Variants in TMC1 observed in about 807,000 individuals in gnomAD.
The protein encoded by TMC1 is transmembrane channel-like protein 1.
In TMC1, 84 loss-of-function variants were observed where a neutral mutation model predicts 105.8. The observed-to-expected ratio is 0.79, with a 90% CI of 0.67 to 0.95. TMC1 has a LOEUF of 0.95. Among genes scored for constraint, TMC1 ranks in the 40% least tolerant of loss-of-function variants. The probability of loss-of-function intolerance (pLI) is 0.00; values close to 1 mark genes in which losing one functional copy is unlikely to be tolerated. For missense variants in TMC1, 817 were observed against 914.1 expected (o/e 0.89, Z 1.37); for synonymous variants, 315 against 311.5 (o/e 1.01, Z -0.12).
At chr9:72,585,317 A>AG (rs1824538693) in intron 2 of TMC1, among the ~76,000 whole-genome samples, 1 of 151,068 alleles carries the variant, frequency 6.6e-6, no homozygotes, top group African/African-American at 2.4e-5. Flanking sequence ...CGCCCTGCTA[A>AG]TTTTTTGTAC....
In TMC1 at chr9:72,568,528, A is replaced by G. The variant is rs139084870; in HGVS notation, c.-427-9374A>G. ...AGGCACCAGGCTAGGCACCGCAGCT[A>G]CAAAGGTGAAGAGAACATAGGCTCT... is the stretch of plus-strand genomic sequence containing the variant. On this transcript the variant is annotated intron_variant, in intron 1 of 23. Coordinates refer to ENST00000297784, the MANE Select transcript of TMC1 (RefSeq NM_138691.3). Among the ~76,000 whole-genome samples, 566 of 152,352 alleles carry G rather than the reference A, an allele frequency of 3.7e-3. 3 individuals carry two copies. The highest frequency in any genetic ancestry group is 0.013 in the African/African-American group (534 of 41,588).
chr9:72,739,988 CT>C, intron 8 of TMC1, 130 bp from the exon 9 acceptor site: 1 of 690,644 alleles, frequency 1.4e-6, no homozygotes, highest in Non-Finnish European at 2.5e-6. Flanking sequence ...GAAATACAGT[CT>C]AGGTTCACCT....
intron 5 of TMC1, among the ~76,000 whole-genome samples, chr9:72,650,872 T>TATATATATA (rs1825793638): frequency 8.3e-6 from 1 of 119,876 alleles, no homozygotes; most frequent in African/African-American, 3.4e-5. Flanking sequence ...ATGGTGTATT[T>TATATATATA]TATATATATA....
chr9:72,598,503 G>A (rs529194062), intron 2 of TMC1, among the ~76,000 whole-genome samples: 25 of 151,158 alleles, frequency 1.7e-4, no homozygotes, highest in Non-Finnish European at 3.5e-4. Context: ...CTTCATAATC[G>A]TATCACTTAT....
chr9:72,675,279 G>T (rs1034135192), intron 5 of TMC1, among the ~76,000 whole-genome samples: 1 of 152,052 alleles, frequency 6.6e-6, no homozygotes, highest in African/African-American at 2.4e-5. Context: ...ACATCGGGGA[G>T]GCTAAGTAGC....
intron 1 of TMC1, among the ~76,000 whole-genome samples, chr9:72,549,204 C>A (rs1200260159): frequency 6.6e-6 from 1 of 152,162 alleles, no homozygotes; most frequent in Non-Finnish European, 1.5e-5. Flanking sequence ...CAAAGGTAAT[C>A]ATCAGACATT....
At chr9:72,764,593 A>G (rs1210114415) in intron 12 of TMC1, among the ~76,000 whole-genome samples, 3 of 152,178 alleles carry the variant, frequency 2.0e-5, no homozygotes, top group African/African-American at 7.2e-5. Context: ...AAATCCCAAC[A>G]TAAGATTATT....
chr9:72,737,784 A>G (rs908921816), intron 8 of TMC1, among the ~76,000 whole-genome samples: 28 of 152,242 alleles, frequency 1.8e-4, no homozygotes, highest in Non-Finnish European at 3.8e-4. Context: ...AAACCCAGCC[A>G]TGAGAACTTA....
chr9:72,823,563 G>A (rs1167576720), intron 20 of TMC1, among the ~76,000 whole-genome samples: 1 of 152,178 alleles, frequency 6.6e-6, no homozygotes, highest in Non-Finnish European at 1.5e-5. Flanking sequence ...ATTCTAGCTT[G>A]TCTGGTTTTA....
At chr9:72,639,807 C>G (rs1040084336) in intron 4 of TMC1, among the ~76,000 whole-genome samples, 1 of 152,176 alleles carries the variant, frequency 6.6e-6, no homozygotes, top group Non-Finnish European at 1.5e-5. Flanking sequence ...AAGTTGCCTT[C>G]AAATGTAATT....
intron 1 of TMC1, among the ~76,000 whole-genome samples, chr9:72,557,285 C>T (rs889035629): frequency 3.3e-5 from 5 of 152,098 alleles, no homozygotes; most frequent in South Asian, 2.1e-4. Context: ...GCAGGAGAAT[C>T]GCTTGAACCC....
intron 17 of TMC1, among the ~76,000 whole-genome samples, chr9:72,801,257 A>T (rs969266765): frequency 6.6e-6 from 1 of 152,238 alleles, no homozygotes; most frequent in South Asian, 2.1e-4. Flanking sequence ...CTATATCCTG[A>T]GGTCTTCACT....
rs750087307 is a variant in TMC1 at position 72,830,716 on chromosome 9, ATTTTTC to A, written c.2260+50_2260+55del. ...TACGTTTATGTTTGTAATGTTTGTA[ATTTTTC>A]TTTTTCTTTTTCTTTCTTTTTTTTT... On this transcript the variant is annotated intron_variant, in intron 23 of 23. Transcript: ENST00000297784. 43 of 1,511,164 alleles carry A rather than the reference ATTTTTC, an allele frequency of 2.8e-5. No homozygotes were observed. The South Asian group carries it at 4.2e-4, about 15-fold the overall frequency. 93.6% of individuals were successfully genotyped at this position (1,511,164 alleles called of 1,614,324 possible). A position where few individuals can be genotyped will look rare whatever the true frequency, so the allele number is the denominator to read the frequency against.
intron 17 of TMC1, among the ~76,000 whole-genome samples, chr9:72,800,618 G>A (rs1000939539): frequency 2.0e-5 from 3 of 151,556 alleles, no homozygotes; most frequent in African/African-American, 7.3e-5. Context: ...CCTCCACCTT[G>A]GAAGCCCGTG....
At chr9:72,703,111 A>G (rs1319197992) in intron 8 of TMC1, among the ~76,000 whole-genome samples, 1 of 151,882 alleles carries the variant, frequency 6.6e-6, no homozygotes, top group Non-Finnish European at 1.5e-5. Flanking sequence ...TTTTTTCAAT[A>G]TTTTTAAAAA....
At chr9:72,821,457 G>A (rs984820903) in intron 20 of TMC1, among the ~76,000 whole-genome samples, 2 of 150,482 alleles carry the variant, frequency 1.3e-5, no homozygotes, top group Non-Finnish European at 1.5e-5. Flanking sequence ...AGCTGAGATG[G>A]TGCCATTGCA....
chr9:72,788,211 C>A, intron 13 of TMC1, 128 bp from the exon 14 acceptor site: 2 of 1,032,994 alleles, frequency 1.9e-6, no homozygotes, highest in Non-Finnish European at 2.9e-6. Context: ...GTCATTAGAA[C>A]AAACTTGTTA....
intron 11 of TMC1, among the ~76,000 whole-genome samples, chr9:72,753,170 G>A (rs1204088249): frequency 6.6e-6 from 1 of 151,914 alleles, no homozygotes; most frequent in African/African-American, 2.4e-5. Context: ...AAGTTGTCTG[G>A]CTCGTAGAAG....
Position 72,639,058 on chromosome 9 carries a change from TG to T in TMC1, c.-52-9538del, listed in dbSNP as rs995062217. On this transcript the variant is annotated intron_variant, in intron 4 of 23. Transcript: ENST00000297784. ...ATCTTTATACTTTCTTCTTCATTAT[TG>T]TTTTTTTTAAAAAACGTAAGTATGC... Among the ~76,000 whole-genome samples the T allele has an allele frequency of 3.3e-5, 5 of 152,320 alleles. No homozygotes were observed. In the East Asian group the frequency reaches 9.6e-4, roughly 29 times the overall value.
Sources: allele counts gnomAD v4.1 joint callset (sites outside exome capture counted in the v4.1 genomes callset), GRCh38; gene constraint gnomAD v4.1.1; transcripts MANE v1.5; gene names NCBI Gene and HGNC (gene_info 2026-07-23, HGNC 2026-07-21).